Variants in MAPKAPK5 observed in about 807,000 individuals in gnomAD.
MAPKAPK5 encodes MAP kinase-activated protein kinase 5.
A neutral mutation model predicts 65.1 loss-of-function variants in MAPKAPK5; 30 were observed. The ratio of observed to expected loss-of-function variants is 0.46; its 90% confidence interval spans 0.34 to 0.63. The LOEUF is 0.63. Among genes scored for constraint, MAPKAPK5 ranks in the 20% least tolerant of loss-of-function variants. The pLI is 0.01. For missense variants in MAPKAPK5, 433 were observed against 581.4 expected (o/e 0.74, Z 2.63); for synonymous variants, 179 against 204.6 (o/e 0.87, Z 1.07).
At position 111,883,321 on chromosome 12, in the gene MAPKAPK5, A is replaced by G. The variant is rs1364900777; in HGVS notation, c.661-260A>G. Among the ~76,000 whole-genome samples the G allele has an allele frequency of 6.6e-6, 1 of 152,204 alleles. No individual in the cohort carries two copies. Among genetic ancestry groups the G allele is most frequent in the East Asian group, 1.9e-4 (1 of 5,196 alleles). On this transcript the variant is annotated intron_variant, in intron 8 of 13. Transcript: ENST00000550735. This position sits in a 1 kb window ranked among gnomAD's most constrained non-coding sequence, Gnocchi z 4.8. ...CTTGAACCTGGGAGGCGGAGGTTGC[A>G]GTGAGCTGAGATTACGCCACTGCAC...
chr12:111,852,559 TTAG>T (rs1454034223), intron 1 of MAPKAPK5, among the ~76,000 whole-genome samples: 1 of 152,220 alleles, frequency 6.6e-6, no homozygotes, highest in African/African-American at 2.4e-5. Context: ...TAACAGGCTA[TTAG>T]TAGTTAAATT....
rs1048439084 is a variant in MAPKAPK5, at chr12:111,898,654, G to A, written c.*5593G>A. 1.3e-5 allele frequency: 2 copies of A among 152,108 alleles called. No homozygotes were observed. The highest frequency in any genetic ancestry group is 4.8e-5 in the African/African-American group (2 of 41,432). 9.4% of individuals were successfully genotyped at this position (152,108 alleles called of 1,614,324 possible). On this transcript the variant is annotated 3_prime_UTR_variant, in exon 14 of 14. Coordinates refer to ENST00000550735, the MANE Select transcript of MAPKAPK5 (RefSeq NM_003668.4). ...CTAAACTCATTTGTTATGAACCAACGATAATGAGGGAAAACTTGGACATCC... is the reference window on the plus strand; with the variant it reads ...CTAAACTCATTTGTTATGAACCAACAATAATGAGGGAAAACTTGGACATCC...
intron 7 of MAPKAPK5, 199 bp from the exon 8 acceptor site, chr12:111,880,248 A>C: frequency 1.7e-6 from 1 of 573,302 alleles, no homozygotes; most frequent in African/African-American, 1.9e-5. Context: ...CCTTGACCTG[A>C]GTATTTCCCT....
chr12:111,853,864 TGA>T (rs757514618), intron 1 of MAPKAPK5, among the ~76,000 whole-genome samples: 33 of 152,298 alleles, frequency 2.2e-4, no homozygotes, highest in Non-Finnish European at 4.0e-4. Flanking sequence ...GAATGGGTGT[TGA>T]GTTTTTGTTA....
intron 1 of MAPKAPK5, among the ~76,000 whole-genome samples, chr12:111,860,061 A>T (rs1302031642): frequency 6.6e-6 from 1 of 151,766 alleles, no homozygotes; most frequent in Non-Finnish European, 1.5e-5. Context: ...CAAGAGTGAA[A>T]CTCCGTCTCA....
Position 111,866,549 on chromosome 12 carries a change from G to A in MAPKAPK5, c.186+318G>A, listed in dbSNP as rs11066053. On this transcript the variant is annotated intron_variant, in intron 3 of 13. Transcript: ENST00000550735. ...AAAGGTGGAGATAAAATAGCACAAG[G>A]AAGAGTCAGGTGAATGGTGTATAAA... Among the ~76,000 whole-genome samples the A allele has an allele frequency of 0.056, 8,480 of 152,284 alleles. 1,309 individuals are homozygous for A. The East Asian group carries it at 0.61, about 11-fold the overall frequency.
At chr12:111,861,272 A>G (rs1259680751) in intron 1 of MAPKAPK5, among the ~76,000 whole-genome samples, 1 of 152,096 alleles carries the variant, frequency 6.6e-6, no homozygotes, top group East Asian at 1.9e-4. Flanking sequence ...CCACTTCTCA[A>G]ACAAGTAGTA....
chr12:111,866,802 A>G (rs1593150616), intron 3 of MAPKAPK5, among the ~76,000 whole-genome samples: 1 of 152,186 alleles, frequency 6.6e-6, no homozygotes. Flanking sequence ...GGGTTTCTCC[A>G]TGTTGATCAG....
intron 12 of MAPKAPK5, chr12:111,889,808 G>A: frequency 2.3e-6 from 1 of 431,718 alleles, no homozygotes; most frequent in South Asian, 2.7e-5. Flanking sequence ...CTGGTGCTAA[G>A]ACTCTGGGGC....
intron 1 of MAPKAPK5, among the ~76,000 whole-genome samples, chr12:111,864,167 T>C (rs530796864): frequency 9.2e-5 from 14 of 152,014 alleles, no homozygotes; most frequent in Non-Finnish European, 1.9e-4. Flanking sequence ...CCTAGTTACT[T>C]GGGAGGCTGA....
At position 111,866,143 on chromosome 12, in the gene MAPKAPK5, T is replaced by C. The variant is rs746267331; in HGVS notation, c.111-13T>C. On this transcript the variant is annotated splice_polypyrimidine_tract_variant and intron_variant, in intron 2 of 13. Transcript: ENST00000550735. ...TATATGATCTCTGATTGATTTTTTTTCTCCAAATCTAGAGTCTGTGTAAAG... is the reference window on the plus strand; with the variant it reads ...TATATGATCTCTGATTGATTTTTTTCCTCCAAATCTAGAGTCTGTGTAAAG... The C allele has an allele frequency of 1.8e-5, 28 of 1,582,626 alleles. No homozygotes were observed. Among genetic ancestry groups the C allele is most frequent in the Middle Eastern group, 1.7e-4 (1 of 5,934 alleles).
chr12:111,900,852 A>C lies in MAPKAPK5; in HGVS notation c.*7791A>C. The stretch of plus-strand genomic sequence containing the variant: ...ATGTCATACAATTTACGAGTGCCTT[A>C]AAGTTCATTGTATGGACCCTAATAA... On this transcript the variant is annotated 3_prime_UTR_variant, in exon 14 of 14. Transcript: ENST00000550735. The C allele has an allele frequency of 2.2e-6, 1 of 456,092 alleles. No individual in the cohort carries two copies. Among genetic ancestry groups the C allele is most frequent in the Non-Finnish European group, 4.4e-6 (1 of 226,796 alleles). 28.3% of individuals were successfully genotyped at this position (456,092 alleles called of 1,614,324 possible).
chr12:111,880,336 G>T, intron 7 of MAPKAPK5, 111 bp from the exon 8 acceptor site: 1 of 847,812 alleles, frequency 1.2e-6, no homozygotes, highest in Admixed American at 2.2e-5. Flanking sequence ...TTTTTTCGAT[G>T]GCTGATTGCC....
chr12:111,874,205 G>T (rs2069877248), intron 7 of MAPKAPK5, among the ~76,000 whole-genome samples: 1 of 151,818 alleles, frequency 6.6e-6, no homozygotes, highest in Non-Finnish European at 1.5e-5. Flanking sequence ...GACCAGCCTG[G>T]CTGCCATGGT....
chr12:111,893,094 T>G lies in MAPKAPK5; in HGVS notation c.*33T>G, dbSNP rs754775847. 2.7e-4 allele frequency: 381 copies of G among 1,417,838 alleles called. No homozygotes were observed. Among genetic ancestry groups the G allele is most frequent in the Non-Finnish European group, 1.9e-4 (203 of 1,046,424 alleles). The allele number at this position is 1,417,838 out of a possible 1,614,324, so 87.8% of individuals were successfully genotyped here. On this transcript the variant is annotated 3_prime_UTR_variant, in exon 14 of 14. Coordinates refer to ENST00000550735, the MANE Select transcript of MAPKAPK5 (RefSeq NM_003668.4). Reference sequence around the variant, plus strand: ...TTCAGACTTTGTTTTTTTAACAATTTGAAAAATTATTCTTTAATGTATAAA... The same window carrying G: ...TTCAGACTTTGTTTTTTTAACAATTGGAAAAATTATTCTTTAATGTATAAA...
chr12:111,866,073 C>T (rs934988305), intron 2 of MAPKAPK5, 83 bp from the exon 3 acceptor site: 2 of 1,143,044 alleles, frequency 1.7e-6, no homozygotes, highest in South Asian at 1.5e-5. Flanking sequence ...ATGAGAAGTA[C>T]AAATCTCAAA....
intron 1 of MAPKAPK5, among the ~76,000 whole-genome samples, chr12:111,857,771 C>T (rs2136087391): frequency 6.6e-6 from 1 of 152,228 alleles, no homozygotes; most frequent in South Asian, 2.1e-4. Flanking sequence ...ATTCTACTGT[C>T]TTCTGGCTTG....
At chr12:111,872,099 GT>G (rs748780182) in intron 7 of MAPKAPK5, among the ~76,000 whole-genome samples, 1 of 152,108 alleles carries the variant, frequency 6.6e-6, no homozygotes, top group Non-Finnish European at 1.5e-5. Flanking sequence ...ATTTTGGGTT[GT>G]TTCTCATTTT....
chr12:111,859,883 A>G (rs1354700967), intron 1 of MAPKAPK5, among the ~76,000 whole-genome samples: 1 of 151,456 alleles, frequency 6.6e-6, no homozygotes, highest in Admixed American at 6.6e-5. Flanking sequence ...TCCTGACCTC[A>G]GGTGATCCAC....
Sources: gnomAD v4.1 joint callset for allele counts (sites outside exome capture counted in the v4.1 genomes callset) on GRCh38, gnomAD v4.1.1 for gene constraint, Gnocchi (gnomAD v3.1) non-coding constraint, MANE v1.5 for transcripts, NCBI Gene and HGNC (gene_info 2026-07-23, HGNC 2026-07-21) for gene names.